ADIPOR2: variants seen among roughly 807,000 people sequenced by gnomAD.
ADIPOR2 encodes the protein adiponectin receptor protein 2.
In ADIPOR2, 18 loss-of-function variants were observed where a neutral mutation model predicts 40.9. That is an observed-to-expected ratio of 0.44 (90% CI 0.30 to 0.65). ADIPOR2 has a LOEUF of 0.65. Among genes scored for constraint, ADIPOR2 ranks in the 30% least tolerant of loss-of-function variants. The pLI is 0.09. For missense variants in ADIPOR2, 283 were observed against 479.2 expected (o/e 0.59, Z 3.82); for synonymous variants, 165 against 166.4 (o/e 0.99, Z 0.06).
intron 3 of ADIPOR2, among the ~76,000 whole-genome samples, chr12:1,775,545 G>A (rs1182791715): frequency 6.6e-6 from 1 of 152,184 alleles, no homozygotes; most frequent in East Asian, 1.9e-4. Context: ...AGGAACATAT[G>A]ACTCTTTTGT....
chr12:1,770,943 A>G (rs1433994178), intron 2 of ADIPOR2, among the ~76,000 whole-genome samples: 2 of 152,130 alleles, frequency 1.3e-5, no homozygotes, highest in African/African-American at 2.4e-5. Context: ...ATTAAATACT[A>G]CTATGGTTTG....
At chr12:1,767,067 C>T (rs1862396359) in intron 2 of ADIPOR2, among the ~76,000 whole-genome samples, 1 of 151,688 alleles carries the variant, frequency 6.6e-6, no homozygotes, top group Non-Finnish European at 1.5e-5. Context: ...GTCAGGAGTT[C>T]GAGACCAGCC....
At chr12:1,751,824 G>A (rs1343167619) in intron 1 of ADIPOR2, among the ~76,000 whole-genome samples, 2 of 151,214 alleles carry the variant, frequency 1.3e-5, no homozygotes, top group Non-Finnish European at 3.0e-5. Context: ...CCGCCTGAGC[G>A]TGCGTTTATA....
chr12:1,711,820 C>A (rs78182236), intron 1 of ADIPOR2, among the ~76,000 whole-genome samples: 1 of 152,038 alleles, frequency 6.6e-6, no homozygotes, highest in Middle Eastern at 3.2e-3. Flanking sequence ...CTGCCACCTC[C>A]TTGGGTTTTT....
intron 1 of ADIPOR2, chr12:1,696,705 G>C (rs982227549): frequency 1.3e-5 from 2 of 152,412 alleles, no homozygotes; most frequent in Non-Finnish European, 2.9e-5. Flanking sequence ...CCATATTCTT[G>C]CACTGTTGAT....
At chr12:1,771,163 C>A (rs1862485890) in intron 2 of ADIPOR2, among the ~76,000 whole-genome samples, 1 of 152,160 alleles carries the variant, frequency 6.6e-6, no homozygotes, top group Non-Finnish European at 1.5e-5. Context: ...TACACACACG[C>A]ATGTGCACAC....
intron 2 of ADIPOR2, among the ~76,000 whole-genome samples, chr12:1,770,922 G>T (rs1469843503): frequency 1.3e-5 from 2 of 152,054 alleles, no homozygotes; most frequent in Non-Finnish European, 2.9e-5. Context: ...TGGGGTAGGG[G>T]ATGAAAAACT....
At chr12:1,733,258 T>G (rs75868350) in intron 1 of ADIPOR2, among the ~76,000 whole-genome samples, 3,084 of 152,278 alleles carry the variant, frequency 0.02, 65 homozygotes, top group East Asian at 0.096. Context: ...TTTATTGAGG[T>G]TCTTAGGTAC....
chr12:1,782,658 C>G lies in ADIPOR2; in HGVS notation c.839-1222C>G, dbSNP rs551878915. 2.0e-5 allele frequency among the ~76,000 whole-genome samples: 3 copies of G among 152,162 alleles called. No individual in the cohort carries two copies. In the South Asian group the frequency reaches 6.2e-4, roughly 32 times the overall value. On this transcript the variant is annotated intron_variant, in intron 6 of 7. Coordinates refer to ENST00000357103, the MANE Select transcript of ADIPOR2 (RefSeq NM_024551.3). ...ACAGTCTGATATTTTAAATTTTATT[C>G]TAGTTCATTTAAAAAAATGCTGGTT...
Position 1,780,994 on chromosome 12 carries a change from C to A in ADIPOR2, c.756C>A (p.Val252=). ...AACCTTGCTTCATCTACTTGATTGT[C>A]ATCTGTGTGCTGGGCATTGCAGCCA... ...NPQPCFIYLI[V]ICVLGIAAII... Residue 252 remains valine, a synonymous_variant, in exon 6 of 8, where the codon GTC becomes GTA. Transcript: ENST00000357103. 1 of 1,613,750 alleles carries A rather than the reference C, an allele frequency of 6.2e-7. No individual in the cohort carries two copies. The highest frequency in any genetic ancestry group is 1.1e-5 in the South Asian group (1 of 91,026).
intron 1 of ADIPOR2, among the ~76,000 whole-genome samples, chr12:1,738,313 T>A (rs545431975): frequency 6.6e-6 from 1 of 150,940 alleles, no homozygotes; most frequent in South Asian, 2.1e-4. Flanking sequence ...TCTGGGAAAT[T>A]GAGGCTGCAG....
chr12:1,698,206 TTGTGTGTG>T (rs35927419), intron 1 of ADIPOR2, among the ~76,000 whole-genome samples: 29 of 148,104 alleles, frequency 2.0e-4, no homozygotes, highest in African/African-American at 3.2e-4. Flanking sequence ...TCTTGGCTGA[TTGTGTGTG>T]TGTGTGTGTG....
At chr12:1,764,558 AACACACACAC>A (rs59660682) in intron 2 of ADIPOR2, among the ~76,000 whole-genome samples, 5 of 118,998 alleles carry the variant, frequency 4.2e-5, no homozygotes, top group African/African-American at 7.4e-5. Flanking sequence ...TAAAGTATTA[AACACACACAC>A]ACACACACAC....
intron 1 of ADIPOR2, among the ~76,000 whole-genome samples, chr12:1,753,581 ATGT>A (rs1862049815): frequency 6.6e-6 from 1 of 152,256 alleles, no homozygotes; most frequent in Non-Finnish European, 1.5e-5. Flanking sequence ...AAAAGTTGAA[ATGT>A]AAGACATTAA....
At chr12:1,712,566 T>G (rs560364059) in intron 1 of ADIPOR2, among the ~76,000 whole-genome samples, 1 of 152,248 alleles carries the variant, frequency 6.6e-6, no homozygotes, top group Non-Finnish European at 1.5e-5. Flanking sequence ...CTCTGACGTA[T>G]AAAGAGAAGT....
chr12:1,781,187 C>A, intron 6 of ADIPOR2, 111 bp downstream of exon 6: 2 of 1,158,652 alleles, frequency 1.7e-6, no homozygotes, highest in Middle Eastern at 2.4e-4. Context: ...TTTGTGATGC[C>A]AAGATGAAGA....
chr12:1,732,214 GT>G (rs1173793485), intron 1 of ADIPOR2, among the ~76,000 whole-genome samples: 2 of 152,162 alleles, frequency 1.3e-5, no homozygotes, highest in Non-Finnish European at 2.9e-5. Context: ...GGTTCACTCT[GT>G]GTGTTGTACA....
At chr12:1,778,199 A>C in intron 4 of ADIPOR2, 174 bp downstream of exon 4, 1 of 702,424 alleles carries the variant, frequency 1.4e-6, no homozygotes, top group South Asian at 2.4e-5. Flanking sequence ...CCTGGTTTGC[A>C]CTATGATTTT....
chr12:1,717,761 T>C, intron 1 of ADIPOR2, among the ~76,000 whole-genome samples: 1 of 152,044 alleles, frequency 6.6e-6, no homozygotes, highest in Non-Finnish European at 1.5e-5. Context: ...GCAAGTTGAC[T>C]ATGTAGGCTT....
Sources: allele counts gnomAD v4.1 joint callset (sites outside exome capture counted in the v4.1 genomes callset), GRCh38; gene constraint gnomAD v4.1.1; transcripts MANE v1.5; gene names NCBI Gene and HGNC (gene_info 2026-07-23, HGNC 2026-07-21).